The following DLEC1 variants were observed in gnomAD, a reference collection of about 807,000 sequenced individuals.
The protein encoded by DLEC1 is DLEC1 cilia and flagella associated protein.
A neutral mutation model predicts 198.1 loss-of-function variants in DLEC1; 146 were observed. The observed-to-expected ratio is 0.74, with a 90% CI of 0.64 to 0.85. The LOEUF (loss-of-function observed/expected upper bound fraction) is 0.85. Among genes scored for constraint, DLEC1 ranks in the 40% least tolerant of loss-of-function variants. The pLI is 0.00. For synonymous variants in DLEC1, 897 were observed against 866.8 expected (o/e 1.03, Z -0.61); for missense variants, 2,233 against 2,220.0 (o/e 1.01, Z -0.12).
rs376672626 is a variant in DLEC1, at chr3:38,112,392, G to C, written c.3666+31G>C. ...GGTACACAAGAGGGCAGTGGCCTGG[G>C]GGGTGGAGAGTCTGCCCAGCCCTCG... On this transcript the variant is annotated intron_variant, in intron 25 of 36. Coordinates refer to ENST00000308059, the MANE Select transcript of DLEC1 (RefSeq NM_007335.4). The surrounding 1 kb of genome is among the most constrained non-coding windows in gnomAD (Gnocchi z 4.8). The C allele has an allele frequency of 5.6e-6, 9 of 1,607,980 alleles. No homozygotes were observed. In the East Asian group the frequency reaches 1.8e-4, roughly 32 times the overall value.
At chr3:38,090,270 G>C (rs1260280866) in intron 10 of DLEC1, among the ~76,000 whole-genome samples, 1 of 152,176 alleles carries the variant, frequency 6.6e-6, no homozygotes, top group Non-Finnish European at 1.5e-5. Context: ...TTTCACCCCA[G>C]TTCCTCAGCC....
Position 38,108,406 on chromosome 3 carries a change from T to G in DLEC1, c.3020T>G (p.Leu1007Arg). Residue 1007 changes from leucine to arginine, a missense_variant and splice_region_variant, in exon 21 of 37, where the codon CTC becomes CGC. Physicochemically the swap from Leu to Arg is moderately radical, Grantham distance 102. Coordinates refer to ENST00000308059, the MANE Select transcript of DLEC1 (RefSeq NM_007335.4). The part of the protein sequence containing the change: ...LLPTQFHWGK[L>R]LGHQAEFCMV... ...CAGGCTCACTCATGTGTCTGCCAGC[T>G]CCTCGGACACCAAGCAGAATTCTGC... 1 of 1,613,758 alleles carries G rather than the reference T, an allele frequency of 6.2e-7. No individual in the cohort carries two copies. The highest frequency in any genetic ancestry group is 8.5e-7 in the Non-Finnish European group (1 of 1,179,834).
At chr3:38,113,777 G>T (rs1700007151) in intron 25 of DLEC1, among the ~76,000 whole-genome samples, 1 of 151,900 alleles carries the variant, frequency 6.6e-6, no homozygotes, top group South Asian at 2.1e-4. Context: ...TTTATATCTG[G>T]GTCTTCACAA....
chr3:38,062,868 C>T (rs113809436), intron 5 of DLEC1, 67 bp downstream of exon 5: 20 of 1,534,758 alleles, frequency 1.3e-5, no homozygotes, highest in African/African-American at 4.1e-5. Context: ...GATGGTCCTC[C>T]GTTTGGTCTG....
chr3:38,121,189 G>A (rs1359665387), intron 34 of DLEC1, among the ~76,000 whole-genome samples: 1 of 152,240 alleles, frequency 6.6e-6, no homozygotes, highest in Non-Finnish European at 1.5e-5. Flanking sequence ...GAGGCTGTGG[G>A]ATGGTGCATG....
At chr3:38,075,228 C>G (rs1697544185) in intron 6 of DLEC1, among the ~76,000 whole-genome samples, 1 of 152,088 alleles carries the variant, frequency 6.6e-6, no homozygotes, top group Non-Finnish European at 1.5e-5. Context: ...GCATTGGGAA[C>G]AGAGACTAGG....
rs193127502 is a variant in DLEC1, at chr3:38,076,117, A to T, written c.1174-8041A>T. Among the ~76,000 whole-genome samples, 906 of 152,302 alleles carry T rather than the reference A, an allele frequency of 5.9e-3. 6 individuals carry two copies. Among genetic ancestry groups the T allele is most frequent in the Non-Finnish European group, 0.011 (728 of 68,032 alleles). On this transcript the variant is annotated intron_variant, in intron 6 of 36. Coordinates refer to ENST00000308059, the MANE Select transcript of DLEC1 (RefSeq NM_007335.4). ...CTCTACCAGAAAATGAAAGGAATTG[A>T]AATTAAGAGAAGGGAGAGATTGAAG...
chr3:38,090,231 TGTAAACAG>T (rs1378937659), intron 10 of DLEC1, among the ~76,000 whole-genome samples: 1 of 152,184 alleles, frequency 6.6e-6, no homozygotes, highest in Non-Finnish European at 1.5e-5. Context: ...ATTCAAAAGA[TGTAAACAG>T]GTAAACAGTG....
intron 3 of DLEC1, among the ~76,000 whole-genome samples, chr3:38,060,494 C>G (rs1696621459): frequency 6.6e-6 from 1 of 152,036 alleles, no homozygotes; most frequent in Non-Finnish European, 1.5e-5. Flanking sequence ...GCTCAGAAGA[C>G]AAGCTCTCCC....
At position 38,084,224 on chromosome 3, in the gene DLEC1, C is replaced by T; in HGVS notation, c.1240C>T (p.Pro414Ser). The T allele has an allele frequency of 1.2e-6, 2 of 1,612,650 alleles. No homozygotes were observed. Among genetic ancestry groups the T allele is most frequent in the South Asian group, 1.1e-5 (1 of 91,070 alleles). Residue 414 changes from proline to serine, a missense_variant, in exon 7 of 37, where the codon CCA (proline) becomes TCA (serine). Pro to Ser is a moderately conservative substitution (Grantham distance 74, BLOSUM62 -1). Transcript: ENST00000308059. ...RYLRVLPPST[P>S]YFALGLGMFP... Reference sequence around the variant, plus strand: ...CCTGCGAGTCCTCCCGCCTTCCACGCCATACTTCGCTCTGGGACTGGGTAA... The same window carrying T: ...CCTGCGAGTCCTCCCGCCTTCCACGTCATACTTCGCTCTGGGACTGGGTAA...
chr3:38,109,955 T>A, intron 22 of DLEC1, 144 bp from the exon 23 acceptor site: 1 of 931,300 alleles, frequency 1.1e-6, no homozygotes, highest in Non-Finnish European at 1.6e-6. Context: ...GGTGGGTCTG[T>A]GGTTGGCAGC....
intron 2 of DLEC1, among the ~76,000 whole-genome samples, chr3:38,051,495 G>C (rs1292979815): frequency 1.3e-5 from 2 of 152,218 alleles, no homozygotes; most frequent in South Asian, 2.1e-4. Context: ...CTGCCACAGG[G>C]GAGAGGCCAG....
chr3:38,075,225 G>T (rs1697544019), intron 6 of DLEC1, among the ~76,000 whole-genome samples: 1 of 152,224 alleles, frequency 6.6e-6, no homozygotes, highest in South Asian at 2.1e-4. Context: ...ATCGCATTGG[G>T]AACAGAGACT....
chr3:38,105,653 G>A lies in DLEC1; in HGVS notation c.2865-1931G>A, dbSNP rs192972147. Among the ~76,000 whole-genome samples, 659 of 152,022 alleles carry A rather than the reference G, an allele frequency of 4.3e-3. 4 individuals are homozygous for A. The highest frequency in any genetic ancestry group is 0.024 in the Middle Eastern group (7 of 294). Reference sequence around the variant, plus strand: ...ATCCTTTTTCTTTGAAACTATTTGTGTCTTTGAATCTAAAGTGTCTCTTGT... The same window carrying A: ...ATCCTTTTTCTTTGAAACTATTTGTATCTTTGAATCTAAAGTGTCTCTTGT... On this transcript the variant is annotated intron_variant, in intron 19 of 36. Coordinates refer to ENST00000308059, the MANE Select transcript of DLEC1 (RefSeq NM_007335.4).
In DLEC1 at chr3:38,095,052, T is replaced by A. The variant is rs568758903; in HGVS notation, c.2093T>A (p.Leu698Gln). 1.2e-6 allele frequency: 2 copies of A among 1,614,162 alleles called. No homozygotes were observed. The highest frequency in any genetic ancestry group is 2.2e-5 in the South Asian group (2 of 91,086). ...CCCCACACAGACCACGAGTTCATCC[T>A]GAGCTTTTCTCCTCATGAGGTTCAG... ...LSPHTDHEFILSFSPHELRDF... is the reference protein window; with the variant it reads ...LSPHTDHEFIQSFSPHELRDF... Residue 698 changes from leucine (L) to glutamine (Q), a missense_variant, in exon 13 of 37, where the codon CTG becomes CAG. By Grantham distance (113) the Leu-to-Gln change is moderately radical. Coordinates refer to ENST00000308059, the MANE Select transcript of DLEC1 (RefSeq NM_007335.4).
chr3:38,074,659 A>G (rs957841059), intron 6 of DLEC1, among the ~76,000 whole-genome samples: 1 of 152,212 alleles, frequency 6.6e-6, no homozygotes, highest in Admixed American at 6.5e-5. Flanking sequence ...GAACTGCTCT[A>G]ATGCCTTCCT....
At chr3:38,084,367 T>G (rs1575170093) in intron 7 of DLEC1, 122 bp downstream of exon 7, 4 of 857,542 alleles carry the variant, frequency 4.7e-6, no homozygotes, top group Non-Finnish European at 7.3e-6. Flanking sequence ...GTGGTAGTAG[T>G]AGTAGTGATG....
At chr3:38,121,826 G>A (rs766441809) in intron 35 of DLEC1, 45 bp downstream of exon 35, 12 of 1,599,098 alleles carry the variant, frequency 7.5e-6, no homozygotes, top group Admixed American at 3.4e-5. Flanking sequence ...CTACAGGGCT[G>A]TGCCAAGAGA....
At chr3:38,082,592 G>T (rs138849573) in intron 6 of DLEC1, among the ~76,000 whole-genome samples, 18,527 of 152,110 alleles carry the variant, frequency 0.12, 1,536 homozygotes, top group African/African-American at 0.23. Context: ...AGGGATTGGG[G>T]GTTCTTGCCC....
Sources: gnomAD v4.1 joint callset for allele counts (sites outside exome capture counted in the v4.1 genomes callset) on GRCh38, gnomAD v4.1.1 for gene constraint, Gnocchi (gnomAD v3.1) non-coding constraint, MANE v1.5 for transcripts, NCBI Gene and HGNC (gene_info 2026-07-23, HGNC 2026-07-21) for gene names.